Variants in PTK2B observed in about 807,000 individuals in gnomAD.
The protein encoded by PTK2B is protein-tyrosine kinase 2-beta.
A neutral mutation model predicts 142.9 loss-of-function variants in PTK2B; 71 were observed. The observed-to-expected ratio is 0.50, with a 90% CI of 0.41 to 0.61. The LOEUF (loss-of-function observed/expected upper bound fraction) is 0.61. Among genes scored for constraint, PTK2B ranks in the 20% least tolerant of loss-of-function variants. The pLI is 0.00. For missense variants in PTK2B, 1,105 were observed against 1,320.4 expected (o/e 0.84, Z 2.53); for synonymous variants, 519 against 503.4 (o/e 1.03, Z -0.42).
At chr8:27,366,988 A>C (rs1806055553) in intron 1 of PTK2B, among the ~76,000 whole-genome samples, 1 of 152,178 alleles carries the variant, frequency 6.6e-6, no homozygotes, top group African/African-American at 2.4e-5. Flanking sequence ...GTGAGGAGGT[A>C]GAAGGTGCCT....
At chr8:27,398,344 A>T (rs1484435915) in intron 2 of PTK2B, among the ~76,000 whole-genome samples, 2 of 152,144 alleles carry the variant, frequency 1.3e-5, no homozygotes, top group Non-Finnish European at 2.9e-5. Context: ...GAATCACAAC[A>T]TCTGTTTTGC....
intron 27 of PTK2B, 36 bp from the exon 28 acceptor site, chr8:27,453,078 A>G (rs1811918707): frequency 6.2e-7 from 1 of 1,612,444 alleles, no homozygotes; most frequent in African/African-American, 1.3e-5. Flanking sequence ...TGGAGTGCTG[A>G]GAACTGCCCC....
At chr8:27,401,099 A>G (rs943839641) in intron 2 of PTK2B, among the ~76,000 whole-genome samples, 1 of 152,010 alleles carries the variant, frequency 6.6e-6, no homozygotes, top group Non-Finnish European at 1.5e-5. Flanking sequence ...AGATCGTGCC[A>G]TTGCACTCCA....
chr8:27,378,597 TTATCTGTGTGTGTGTGTGTGTGTGTGTG>T, intron 1 of PTK2B, among the ~76,000 whole-genome samples: 1 of 138,000 alleles, frequency 7.2e-6, no homozygotes, highest in South Asian at 2.4e-4. Context: ...ATCTTACAGC[TTATCTGTGTGTGTGTGTGTGTGTGTGTG>T]TGTGTGTGTG....
chr8:27,422,296 C>T lies in PTK2B; in HGVS notation c.472-8C>T. 2.5e-6 allele frequency: 4 copies of T among 1,612,446 alleles called. No homozygotes were observed. Among genetic ancestry groups the T allele is most frequent in the Non-Finnish European group, 3.4e-6 (4 of 1,179,082 alleles). On this transcript the variant is annotated splice_polypyrimidine_tract_variant and splice_region_variant and intron_variant, in intron 4 of 30. Transcript: ENST00000346049. ...GCAAGCCTGATGCTTGACCTTTCTC[C>T]CCACCAGCTCCGGAACGACTACATG...
intron 2 of PTK2B, among the ~76,000 whole-genome samples, chr8:27,414,202 C>A (rs1451853519): frequency 6.6e-6 from 1 of 152,128 alleles, no homozygotes; most frequent in Admixed American, 6.5e-5. Context: ...TATTTGAAAA[C>A]TGCAACTTGG....
chr8:27,409,592 G>A (rs908899564), intron 2 of PTK2B, among the ~76,000 whole-genome samples: 3 of 152,204 alleles, frequency 2.0e-5, no homozygotes, highest in Non-Finnish European at 2.9e-5. Flanking sequence ...TTTACGCCTT[G>A]TGTTCATTAG....
chr8:27,330,204 C>T (rs1321664588), intron 1 of PTK2B, among the ~76,000 whole-genome samples: 1 of 152,164 alleles, frequency 6.6e-6, no homozygotes, highest in Non-Finnish European at 1.5e-5. Flanking sequence ...CGTCGAAGTA[C>T]AATAAAACAT....
rs558363508 is a variant in PTK2B, at chr8:27,356,635, A to G, written c.-38+30954A>G. 3.0e-4 allele frequency among the ~76,000 whole-genome samples: 45 copies of G among 152,372 alleles called. 1 individual carries two copies. The highest frequency in any genetic ancestry group is 6.8e-3 in the Middle Eastern group (2 of 294). On this transcript the variant is annotated intron_variant, in intron 1 of 30. Coordinates refer to ENST00000346049, the MANE Select transcript of PTK2B (RefSeq NM_173176.3). ...GAAGCAGGACTAGCCCTCTTGTCAA[A>G]GAGCTGCAGTCAATAGCGGAAAAAC...
In PTK2B at chr8:27,437,300, A is replaced by AG. The variant is rs533533869; in HGVS notation, c.1427-92dup. Reference sequence around the variant, plus strand: ...ACAGTGCAGGGACCCATGTTGGAGGAGGGGTTCCCGTCCTCCCAGCTAGAA... The same window carrying AG: ...ACAGTGCAGGGACCCATGTTGGAGGAGGGGGTTCCCGTCCTCCCAGCTAGAA... On this transcript the variant is annotated intron_variant, in intron 16 of 30. Transcript: ENST00000346049. The AG allele has an allele frequency of 7.5e-5, 116 of 1,544,728 alleles. No individual in the cohort carries two copies. The African/African-American group carries it at 1.5e-3, about 19-fold the overall frequency.
intron 3 of PTK2B, among the ~76,000 whole-genome samples, chr8:27,313,488 G>C (rs1803028600): frequency 6.6e-6 from 1 of 152,226 alleles, no homozygotes; most frequent in Non-Finnish European, 1.5e-5. Context: ...CGGGCAACTT[G>C]AGGGACAAGT....
At chr8:27,398,247 T>C (rs1271501266) in intron 2 of PTK2B, among the ~76,000 whole-genome samples, 6 of 152,220 alleles carry the variant, frequency 3.9e-5, no homozygotes, top group Admixed American at 3.9e-4. Flanking sequence ...ACTTAGAGGA[T>C]GACAATGAAG....
chr8:27,430,174 C>T lies in PTK2B; in HGVS notation c.614+19C>T, dbSNP rs377732693. The T allele has an allele frequency of 5.0e-6, 8 of 1,605,812 alleles. No individual in the cohort carries two copies. The highest frequency in any genetic ancestry group is 6.8e-6 in the Non-Finnish European group (8 of 1,172,552). The stretch of plus-strand genomic sequence containing the variant: ...TCCTAGAGTAAGTTCTGGGATCACC[C>T]ATCTCCCCTCCCTTCCTGTCCTTCC... On this transcript the variant is annotated intron_variant, in intron 6 of 30. Transcript: ENST00000346049.
intron 1 of PTK2B, among the ~76,000 whole-genome samples, chr8:27,356,880 C>T (rs898302611): frequency 1.3e-5 from 2 of 152,092 alleles, no homozygotes; most frequent in African/African-American, 4.8e-5. Context: ...AGATGGAGAG[C>T]AAACTAGGGG....
intron 8 of PTK2B, 155 bp downstream of exon 8, chr8:27,431,171 T>C: frequency 6.8e-7 from 1 of 1,468,590 alleles, no homozygotes. Context: ...GTCAAAAGCA[T>C]CCCCTTGCCT....
At chr8:27,406,289 C>G (rs1332053490) in intron 2 of PTK2B, among the ~76,000 whole-genome samples, 2 of 151,976 alleles carry the variant, frequency 1.3e-5, no homozygotes, top group Non-Finnish European at 2.9e-5. Context: ...TTTGCAAAGC[C>G]CCCCATTTTT....
chr8:27,400,377 T>C lies in PTK2B; in HGVS notation c.204+2589T>C, dbSNP rs545151180. 8.6e-5 allele frequency among the ~76,000 whole-genome samples: 13 copies of C among 151,246 alleles called. No individual in the cohort carries two copies. The South Asian group carries it at 2.7e-3, about 32-fold the overall frequency. The stretch of plus-strand genomic sequence containing the variant: ...CTAAAAAACCCTCCTTTTAAACCAC[T>C]AGATCTCTGGCCAATCATTTAGGGA... On this transcript the variant is annotated intron_variant, in intron 2 of 30. Transcript: ENST00000346049.
chr8:27,454,983 T>C (rs539578311), intron 30 of PTK2B, among the ~76,000 whole-genome samples: 4 of 152,304 alleles, frequency 2.6e-5, no homozygotes, highest in African/African-American at 9.6e-5. Flanking sequence ...TTTCTTTATT[T>C]AATCTGATTT....
chr8:27,325,800 G>A (rs998206677), intron 1 of PTK2B, 119 bp downstream of exon 1: 1 of 152,292 alleles, frequency 6.6e-6, no homozygotes, highest in African/African-American at 2.4e-5. Flanking sequence ...GGGAGTTCCC[G>A]GAGAAACGGC....
Sources: gnomAD v4.1 joint callset for allele counts (sites outside exome capture counted in the v4.1 genomes callset) on GRCh38, gnomAD v4.1.1 for gene constraint, MANE v1.5 for transcripts, NCBI Gene and HGNC (gene_info 2026-07-23, HGNC 2026-07-21) for gene names.